Variants in PRKAR1B observed in about 807,000 individuals in gnomAD.
The protein encoded by PRKAR1B is cAMP-dependent protein kinase type I-beta regulatory subunit.
A neutral mutation model predicts 46.5 loss-of-function variants in PRKAR1B; 22 were observed. That is an observed-to-expected ratio of 0.47 (90% CI 0.34 to 0.68). The LOEUF is 0.68. PRKAR1B is among the 30% of genes least tolerant of loss of function. The probability of loss-of-function intolerance (pLI) is 0.01; values close to 1 mark genes in which losing one functional copy is unlikely to be tolerated. For missense variants in PRKAR1B, 445 were observed against 535.6 expected (o/e 0.83, Z 1.67); for synonymous variants, 259 against 217.7 (o/e 1.19, Z -1.67).
chr7:619,911 T>G lies in PRKAR1B; in HGVS notation c.441-12459A>C, dbSNP rs535431957. On this transcript the variant is annotated intron_variant, in intron 4 of 10. Coordinates refer to ENST00000537384, the MANE Select transcript of PRKAR1B (RefSeq NM_001164760.2). The stretch of plus-strand genomic sequence containing the variant: ...TGTCACCCAGGCTAGAGTGCAGTGG[T>G]GCGATCATAGCTCACTGTAGCCTCG... 1.7e-3 allele frequency among the ~76,000 whole-genome samples: 265 copies of G among 152,308 alleles called. 3 individuals carry two copies. Among genetic ancestry groups the G allele is most frequent in the African/African-American group, 6.2e-3 (256 of 41,566 alleles).
At chr7:700,661 T>A (rs546822292) in intron 2 of PRKAR1B, among the ~76,000 whole-genome samples, 1 of 149,566 alleles carries the variant, frequency 6.7e-6, no homozygotes, top group African/African-American at 2.5e-5. Context: ...AGAAATCAAA[T>A]TTATTTAAAA....
At chr7:618,854 T>C (rs1033296273) in intron 4 of PRKAR1B, among the ~76,000 whole-genome samples, 9 of 152,232 alleles carry the variant, frequency 5.9e-5, no homozygotes, top group African/African-American at 2.2e-4. Context: ...TTACACGCAG[T>C]CACCTGTTAA....
At chr7:609,945 G>A (rs936655686) in intron 4 of PRKAR1B, among the ~76,000 whole-genome samples, 2 of 152,126 alleles carry the variant, frequency 1.3e-5, no homozygotes, top group Admixed American at 6.6e-5. Flanking sequence ...GTCTCGCTAT[G>A]TTGCCCAGGC....
chr7:725,898 C>T (rs923539059), intron 1 of PRKAR1B, among the ~76,000 whole-genome samples: 1 of 152,220 alleles, frequency 6.6e-6, no homozygotes, highest in Non-Finnish European at 1.5e-5. Flanking sequence ...CACCCAGGAA[C>T]AGAAGACAGC....
chr7:652,364 T>G (rs1784950815), intron 4 of PRKAR1B, among the ~76,000 whole-genome samples: 1 of 149,244 alleles, frequency 6.7e-6, no homozygotes, highest in Non-Finnish European at 1.5e-5. Context: ...GCTAGGAACC[T>G]GGGGAAACCC....
chr7:618,881 T>C (rs1562566848), intron 4 of PRKAR1B, among the ~76,000 whole-genome samples: 1 of 152,238 alleles, frequency 6.6e-6, no homozygotes, highest in Non-Finnish European at 1.5e-5. Flanking sequence ...CATGATGTCC[T>C]TAATTAGGTA....
At chr7:651,921 G>A (rs1359839731) in intron 4 of PRKAR1B, among the ~76,000 whole-genome samples, 3 of 80,744 alleles carry the variant, frequency 3.7e-5, no homozygotes, top group Admixed American at 2.3e-4. Flanking sequence ...AACCCCTCTC[G>A]GAACACAGTT....
chr7:575,416 G>A (rs377241115), intron 9 of PRKAR1B, among the ~76,000 whole-genome samples: 5 of 152,342 alleles, frequency 3.3e-5, no homozygotes, highest in South Asian at 2.1e-4. Flanking sequence ...GGTAACCTAC[G>A]ACATCATTCC....
chr7:679,180 T>C (rs971092222), intron 3 of PRKAR1B, among the ~76,000 whole-genome samples: 5 of 152,278 alleles, frequency 3.3e-5, no homozygotes, highest in Non-Finnish European at 5.9e-5. Context: ...AGTTCCCTGA[T>C]GTTACTACCT....
At chr7:695,332 G>A (rs749600583) in intron 2 of PRKAR1B, among the ~76,000 whole-genome samples, 9 of 152,170 alleles carry the variant, frequency 5.9e-5, no homozygotes, top group South Asian at 2.1e-4. Context: ...GTCCTGTCCC[G>A]TCCCACACGG....
chr7:573,204 GT>G (rs527885875), intron 9 of PRKAR1B, among the ~76,000 whole-genome samples: 135 of 152,344 alleles, frequency 8.9e-4, no homozygotes, highest in Admixed American at 2.7e-3. Flanking sequence ...AAAGATCCAG[GT>G]TGCCAAGGAG....
At position 723,572 on chromosome 7, in the gene PRKAR1B, C is replaced by CT. The variant is rs765230308; in HGVS notation, c.-23+3637_-23+3638insA. ...GGGAGGAGCAAGGAAAAGTGAAGTCCCACCACCGTAATTCAAGCGCTTATT... is the reference window on the plus strand; with the variant it reads ...GGGAGGAGCAAGGAAAAGTGAAGTCCTCACCACCGTAATTCAAGCGCTTATT... On this transcript the variant is annotated intron_variant, in intron 1 of 10. Transcript: ENST00000537384. Among the ~76,000 whole-genome samples the CT allele has an allele frequency of 1.8e-4, 28 of 152,290 alleles. No homozygotes were observed. The Middle Eastern group carries it at 0.01, about 55-fold the overall frequency.
In PRKAR1B at chr7:560,174, T is replaced by A. The variant is rs1778695934; in HGVS notation, c.892-8704A>T. 6.6e-6 allele frequency among the ~76,000 whole-genome samples: 1 copy of A among 152,102 alleles called. No individual in the cohort carries two copies. The highest frequency in any genetic ancestry group is 2.4e-5 in the African/African-American group (1 of 41,406). ...ATGGGGTGACGGTTTTATAAGGGGC[T>A]TTCCCCGCTTTGTTCAGCTTTCATT... is the stretch of plus-strand genomic sequence containing the variant. On this transcript the variant is annotated intron_variant, in intron 9 of 10. Transcript: ENST00000537384. This position sits in a 1 kb window ranked among gnomAD's most constrained non-coding sequence, Gnocchi z 4.2.
intron 1 of PRKAR1B, among the ~76,000 whole-genome samples, chr7:721,055 G>A (rs1387751533): frequency 6.6e-6 from 1 of 152,092 alleles, no homozygotes; most frequent in East Asian, 1.9e-4. Context: ...TGTTTTTGAG[G>A]ATATCACCAT....
At chr7:563,101 C>T (rs1300305017) in intron 9 of PRKAR1B, among the ~76,000 whole-genome samples, 2 of 152,200 alleles carry the variant, frequency 1.3e-5, no homozygotes, top group African/African-American at 4.8e-5. Flanking sequence ...GGGCCCGGAA[C>T]TGACACGGCT....
intron 4 of PRKAR1B, among the ~76,000 whole-genome samples, chr7:662,851 C>A (rs954946755): frequency 6.6e-6 from 1 of 152,350 alleles, no homozygotes; most frequent in South Asian, 2.1e-4. Context: ...CTCCCCCCAC[C>A]ACCTGGGGCC....
chr7:558,346 AAGG>A, intron 9 of PRKAR1B, among the ~76,000 whole-genome samples: 1 of 150,988 alleles, frequency 6.6e-6, no homozygotes, highest in African/African-American at 2.4e-5. Context: ...AAAAAAAAAA[AAGG>A]AAGGAGGAGA....
At chr7:708,689 G>A (rs148558857) in intron 2 of PRKAR1B, among the ~76,000 whole-genome samples, 15,567 of 151,786 alleles carry the variant, frequency 0.1, 1,126 homozygotes, top group Middle Eastern at 0.18. Context: ...GTTTCACCAC[G>A]TTGGCCAGGC....
At chr7:647,070 A>G (rs1784653544) in intron 4 of PRKAR1B, among the ~76,000 whole-genome samples, 1 of 152,218 alleles carries the variant, frequency 6.6e-6, no homozygotes, top group African/African-American at 2.4e-5. Flanking sequence ...ATGGGACGCA[A>G]CATGGCCGGC....
Sources: gnomAD v4.1 joint callset for allele counts (sites outside exome capture counted in the v4.1 genomes callset) on GRCh38, gnomAD v4.1.1 for gene constraint, Gnocchi (gnomAD v3.1) non-coding constraint, MANE v1.5 for transcripts, NCBI Gene and HGNC (gene_info 2026-07-23, HGNC 2026-07-21) for gene names.